SNX30: variants seen among roughly 807,000 people sequenced by gnomAD.
SNX30 encodes the protein sorting nexin family member 30, also known as sorting nexin-30.
A neutral mutation model predicts 46.4 loss-of-function variants in SNX30; 24 were observed. The observed-to-expected ratio is 0.52, with a 90% CI of 0.37 to 0.73. SNX30 has a LOEUF of 0.73. Ranked by LOEUF, SNX30 falls within the 30% of genes least tolerant of loss-of-function variation. The pLI is 0.00. For missense variants in SNX30, 533 were observed against 555.7 expected (o/e 0.96, Z 0.41); for synonymous variants, 189 against 211.5 (o/e 0.89, Z 0.92).
chr9:112,864,059 T>C (rs367780285), intron 7 of SNX30, among the ~76,000 whole-genome samples, 188 bp from the exon 8 acceptor site: 91 of 152,336 alleles, frequency 6.0e-4, no homozygotes, highest in African/African-American at 2.0e-3. Flanking sequence ...AGAGCCCCTT[T>C]TCAGAGCTCC....
At chr9:112,791,382 T>C (rs1840017449) in intron 1 of SNX30, among the ~76,000 whole-genome samples, 1 of 139,436 alleles carries the variant, frequency 7.2e-6, no homozygotes. Flanking sequence ...ATAAATACTT[T>C]TAAACATATT....
At chr9:112,804,412 G>A (rs571082273) in intron 1 of SNX30, among the ~76,000 whole-genome samples, 4 of 152,292 alleles carry the variant, frequency 2.6e-5, no homozygotes, top group Admixed American at 1.3e-4. Context: ...TGAGCCACCT[G>A]TCTCGGCCTC....
intron 7 of SNX30, among the ~76,000 whole-genome samples, chr9:112,853,747 T>C (rs1005106149): frequency 6.6e-6 from 1 of 152,194 alleles, no homozygotes; most frequent in Non-Finnish European, 1.5e-5. Context: ...GTACAAACTT[T>C]CAGTTACAAG....
intron 5 of SNX30, among the ~76,000 whole-genome samples, chr9:112,837,369 G>A (rs144953133): frequency 2.6e-5 from 4 of 152,254 alleles, no homozygotes; most frequent in East Asian, 1.9e-4. Context: ...GGTGGCCACC[G>A]AGTGATAGAG....
chr9:112,865,222 C>T (rs1161886458), intron 8 of SNX30, among the ~76,000 whole-genome samples: 2 of 149,916 alleles, frequency 1.3e-5, no homozygotes, highest in Admixed American at 1.3e-4. Flanking sequence ...AACCCTCACA[C>T]ACAACCCCCA....
At chr9:112,754,858 C>T (rs963256836) in intron 1 of SNX30, among the ~76,000 whole-genome samples, 1 of 152,188 alleles carries the variant, frequency 6.6e-6, no homozygotes, top group Non-Finnish European at 1.5e-5. Flanking sequence ...TCTTAAGCCC[C>T]ATTGTGTGGC....
intron 8 of SNX30, 108 bp downstream of exon 8, chr9:112,864,507 A>G (rs1032672901): frequency 1.4e-6 from 2 of 1,430,418 alleles, no homozygotes; most frequent in Non-Finnish European, 1.9e-6. Flanking sequence ...TCCTTCCCTT[A>G]TTTTAGCTGC....
chr9:112,804,901 A>G lies in SNX30; in HGVS notation c.282A>G (p.Ile94Met). The G allele has an allele frequency of 6.2e-7, 1 of 1,613,874 alleles. No homozygotes were observed. The highest frequency in any genetic ancestry group is 8.5e-7 in the Non-Finnish European group (1 of 1,179,870). ...IDGETRDLFV[I>M]VDDPKKHVCT... ...GTGAGACTAGAGATCTCTTCGTTAT[A>G]GTTGATGATCCCAAGAAGCATGTGT... Residue 94 changes from isoleucine (I) to methionine (M), a missense_variant, in exon 2 of 9, where the codon ATA becomes ATG. Around this residue, in one of 3 missense-constraint regions of SNX30, gnomAD observed 191 missense variants for 160.3 expected, o/e 1.19. Coordinates refer to ENST00000374232, the MANE Select transcript of SNX30 (RefSeq NM_001012994.2).
chr9:112,796,878 C>T (rs940142228), intron 1 of SNX30, among the ~76,000 whole-genome samples: 1 of 152,100 alleles, frequency 6.6e-6, no homozygotes, highest in South Asian at 2.1e-4. Context: ...CTAGGTTAAC[C>T]TCTAATTTCC....
At chr9:112,808,404 A>C (rs1338111197) in intron 2 of SNX30, among the ~76,000 whole-genome samples, 3 of 152,144 alleles carry the variant, frequency 2.0e-5, no homozygotes, top group African/African-American at 7.2e-5. Flanking sequence ...TATCCACCCA[A>C]ATCTAAGGTA....
chr9:112,757,654 A>G (rs958489648), intron 1 of SNX30, among the ~76,000 whole-genome samples: 4 of 152,038 alleles, frequency 2.6e-5, no homozygotes, highest in Non-Finnish European at 5.9e-5. Context: ...CGCGTATATC[A>G]TTTTGTCTTG....
chr9:112,790,159 G>A (rs1839996818), intron 1 of SNX30, among the ~76,000 whole-genome samples: 1 of 152,142 alleles, frequency 6.6e-6, no homozygotes, highest in Admixed American at 6.5e-5. Flanking sequence ...TAGCAGTGCA[G>A]AACTTGAGAC....
At chr9:112,880,078 C>G (rs1370480131) in exon 5 of SNX30, 1 of 348,190 alleles carries the variant, frequency 2.9e-6, no homozygotes, top group East Asian at 4.5e-5. Context: ...TGCCTGTAAT[C>G]CCAACAGTTT....
chr9:112,846,067 A>T (rs1370123326), intron 6 of SNX30, among the ~76,000 whole-genome samples: 2 of 152,316 alleles, frequency 1.3e-5, no homozygotes, highest in African/African-American at 4.8e-5. Context: ...TAATAGGAAT[A>T]AAAAAATTAA....
At chr9:112,863,713 C>G (rs1841274737) in intron 7 of SNX30, among the ~76,000 whole-genome samples, 1 of 152,128 alleles carries the variant, frequency 6.6e-6, no homozygotes, top group Admixed American at 6.5e-5. Flanking sequence ...ATGTGGGGTT[C>G]AGAGGAGGCA....
intron 1 of SNX30, among the ~76,000 whole-genome samples, chr9:112,761,222 G>T (rs1328370347): frequency 6.6e-6 from 1 of 152,188 alleles, no homozygotes; most frequent in Admixed American, 6.5e-5. Flanking sequence ...GAGTGCAGTG[G>T]TGTTACCTTG....
At chr9:112,804,608 G>C (rs146581775) in intron 1 of SNX30, among the ~76,000 whole-genome samples, 168 bp from the exon 2 acceptor site, 1 of 152,222 alleles carries the variant, frequency 6.6e-6, no homozygotes, top group Non-Finnish European at 1.5e-5. Context: ...TCTCTTGGTC[G>C]TAAAAGATTT....
chr9:112,879,653 A>G, downstream of SNX30: 1 of 986,056 alleles, frequency 1.0e-6, no homozygotes, highest in South Asian at 1.6e-5. Flanking sequence ...GCTGGAACGC[A>G]GGTTTCTTAA....
At chr9:112,788,960 T>C (rs12554191) in intron 1 of SNX30, among the ~76,000 whole-genome samples, 27,361 of 152,072 alleles carry the variant, frequency 0.18, 2,821 homozygotes, top group Admixed American at 0.25. Context: ...CACGCCCAGC[T>C]AATTTTTGTA....
Sources: allele counts gnomAD v4.1 joint callset (sites outside exome capture counted in the v4.1 genomes callset), GRCh38; gene constraint gnomAD v4.1.1; regional missense constraint gnomAD v4.1.1; transcripts MANE v1.5; gene names NCBI Gene and HGNC (gene_info 2026-07-23, HGNC 2026-07-21).